HECW2: variants seen among roughly 807,000 people sequenced by gnomAD.
The protein encoded by HECW2 is E3 ubiquitin-protein ligase HECW2.
In HECW2, 61 loss-of-function variants were observed where a neutral mutation model predicts 175.2. That is an observed-to-expected ratio of 0.35 (90% CI 0.28 to 0.43). The LOEUF is 0.43. HECW2 is among the 20% of genes least tolerant of loss of function. The probability of loss-of-function intolerance (pLI) is 1.00; values close to 1 mark genes in which losing one functional copy is unlikely to be tolerated. For synonymous variants in HECW2, 671 were observed against 731.0 expected, an observed-to-expected ratio of 0.92 and a Z score of 1.32; for missense variants, 1,524 against 2,000.5, an observed-to-expected ratio of 0.76 and a Z score of 4.54.
intron 3 of HECW2, among the ~76,000 whole-genome samples, chr2:196,341,044 T>C (rs1390050289): frequency 6.6e-6 from 1 of 152,204 alleles, no homozygotes; most frequent in Non-Finnish European, 1.5e-5. Context: ...GACAGATCTA[T>C]TTAACTATAG....
chr2:196,534,391 T>C (rs1688948685), intron 1 of HECW2, among the ~76,000 whole-genome samples: 1 of 152,174 alleles, frequency 6.6e-6, no homozygotes, highest in East Asian at 1.9e-4. Flanking sequence ...TATAAATTAT[T>C]AGTAGCAACG....
At position 196,228,457 on chromosome 2, in the gene HECW2, G is replaced by A. The variant is rs1230572970; in HGVS notation, c.3765-203C>T. 2.0e-5 allele frequency among the ~76,000 whole-genome samples: 3 copies of A among 152,114 alleles called. No homozygotes were observed. The East Asian group carries it at 5.8e-4, about 29-fold the overall frequency. Reference sequence around the variant, plus strand: ...AGATTAGTAAAATGGACATTTATGTGGAGCATACCTAAAACTAAGCCACAC... The same window carrying A: ...AGATTAGTAAAATGGACATTTATGTAGAGCATACCTAAAACTAAGCCACAC... On this transcript the variant is annotated intron_variant, in intron 21 of 28. Coordinates refer to ENST00000644978, the MANE Select transcript of HECW2 (RefSeq NM_001348768.2).
intron 2 of HECW2, among the ~76,000 whole-genome samples, chr2:196,423,450 T>C (rs1322883513): frequency 6.6e-6 from 1 of 152,122 alleles, no homozygotes; most frequent in African/African-American, 2.4e-5. Flanking sequence ...TGTGCTGCTG[T>C]GACGGTCCTG....
chr2:196,569,387 T>C (rs1235737519), intron 1 of HECW2, among the ~76,000 whole-genome samples: 3 of 152,034 alleles, frequency 2.0e-5, no homozygotes, highest in Non-Finnish European at 4.4e-5. Context: ...TAAAATAAAA[T>C]AGGCTTTGTG....
At chr2:196,347,453 C>T (rs1693000223) in intron 2 of HECW2, among the ~76,000 whole-genome samples, 1 of 152,136 alleles carries the variant, frequency 6.6e-6, no homozygotes, top group Admixed American at 6.5e-5. Flanking sequence ...CTTGGGTGAT[C>T]AGCCTGCCTC....
At chr2:196,332,663 C>T (rs1692409990) in intron 4 of HECW2, among the ~76,000 whole-genome samples, 1 of 152,130 alleles carries the variant, frequency 6.6e-6, no homozygotes, top group Non-Finnish European at 1.5e-5. Flanking sequence ...ACTGAAATTG[C>T]TCAAGTCTAA....
chr2:196,205,175 T>G (rs1269450474), intron 28 of HECW2, among the ~76,000 whole-genome samples: 1 of 152,164 alleles, frequency 6.6e-6, no homozygotes, highest in African/African-American at 2.4e-5. Flanking sequence ...TGGAAAATAT[T>G]TCGCGATGAT....
At chr2:196,270,230 T>C (rs1245589455) in intron 17 of HECW2, among the ~76,000 whole-genome samples, 1 of 152,142 alleles carries the variant, frequency 6.6e-6, no homozygotes, top group African/African-American at 2.4e-5. Context: ...GCCTAGATCA[T>C]GAAAGTGAGA....
chr2:196,450,711 C>T (rs1054601176), intron 1 of HECW2, among the ~76,000 whole-genome samples: 1 of 151,984 alleles, frequency 6.6e-6, no homozygotes, highest in Non-Finnish European at 1.5e-5. Context: ...CAACTCCTGA[C>T]CTCAGGTGAT....
chr2:196,269,810 T>C lies in HECW2; in HGVS notation c.3335+1383A>G, dbSNP rs922166465. Among the ~76,000 whole-genome samples the C allele has an allele frequency of 2.0e-5, 3 of 152,132 alleles. No individual in the cohort carries two copies. In the East Asian group the frequency reaches 5.8e-4, roughly 29 times the overall value. On this transcript the variant is annotated intron_variant, in intron 17 of 28. Transcript: ENST00000644978. ...TACATTTCATGACTCATGATCAAAA[T>C]AGTGTCAAGACCAAAGGTTATTGCA...
chr2:196,415,944 A>T (rs577996862), intron 2 of HECW2, among the ~76,000 whole-genome samples: 1 of 152,334 alleles, frequency 6.6e-6, no homozygotes, highest in East Asian at 1.9e-4. Flanking sequence ...TTGATTTCCA[A>T]GTGCATGGTT....
At chr2:196,481,598 T>C (rs1686846036) in intron 1 of HECW2, among the ~76,000 whole-genome samples, 1 of 152,166 alleles carries the variant, frequency 6.6e-6, no homozygotes, top group Non-Finnish European at 1.5e-5. Context: ...GTGGCATTCC[T>C]CCAAACTGAA....
chr2:196,275,750 T>TAAA (rs200671171), intron 15 of HECW2, among the ~76,000 whole-genome samples: 4 of 144,890 alleles, frequency 2.8e-5, no homozygotes, highest in Non-Finnish European at 6.1e-5. Flanking sequence ...GACTCTGTCT[T>TAAA]AAAAAAAAAA....
chr2:196,575,105 A>G (rs1265898325), intron 1 of HECW2, among the ~76,000 whole-genome samples: 1 of 145,196 alleles, frequency 6.9e-6, no homozygotes, highest in East Asian at 2.0e-4. Flanking sequence ...AAAAAAAAAA[A>G]GGCAAAGATC....
At chr2:196,555,262 C>T (rs900665172) in intron 1 of HECW2, among the ~76,000 whole-genome samples, 2 of 152,172 alleles carry the variant, frequency 1.3e-5, no homozygotes, top group Admixed American at 1.3e-4. Context: ...CAAGATCAAG[C>T]AGGCAGATTT....
Position 196,510,372 on chromosome 2 carries a change from G to A in HECW2, c.-35-76914C>T, listed in dbSNP as rs138155365. Reference sequence around the variant, plus strand: ...AAGAAAAAGTATAATCATTAAACCAGCATTACTCCTCCCTTGGCAAGAATT... The same window carrying A: ...AAGAAAAAGTATAATCATTAAACCAACATTACTCCTCCCTTGGCAAGAATT... On this transcript the variant is annotated intron_variant, in intron 1 of 28. Transcript: ENST00000644978. Among the ~76,000 whole-genome samples the A allele has an allele frequency of 4.1e-3, 622 of 152,260 alleles. 15 individuals carry two copies. Among genetic ancestry groups the A allele is most frequent in the Admixed American group, 0.038 (575 of 15,286 alleles).
chr2:196,271,094 C>A, intron 17 of HECW2, 99 bp downstream of exon 17: 1 of 746,588 alleles, frequency 1.3e-6, no homozygotes, highest in South Asian at 1.7e-5. Flanking sequence ...CAAAGGATGT[C>A]AGAAAGAAAG....
intron 2 of HECW2, among the ~76,000 whole-genome samples, chr2:196,424,459 T>A (rs959312146): frequency 6.6e-6 from 1 of 152,248 alleles, no homozygotes; most frequent in African/African-American, 2.4e-5. Context: ...GGCCAAAAGC[T>A]AGGCCTCTTG....
intron 17 of HECW2, among the ~76,000 whole-genome samples, chr2:196,262,083 T>TG (rs1338935950): frequency 6.6e-6 from 1 of 152,204 alleles, no homozygotes; most frequent in African/African-American, 2.4e-5. Context: ...TAGAGTGCAG[T>TG]GGTACAATCA....
Sources: allele counts gnomAD v4.1 joint callset (sites outside exome capture counted in the v4.1 genomes callset), GRCh38; gene constraint gnomAD v4.1.1; transcripts MANE v1.5; gene names NCBI Gene and HGNC (gene_info 2026-07-23, HGNC 2026-07-21).